Variants in RIC8B observed in about 807,000 individuals in gnomAD.
RIC8B encodes RIC8 guanine nucleotide exchange factor B.
Under a neutral mutation model 57.5 loss-of-function variants are expected in RIC8B, and 16 were observed. The observed-to-expected ratio is 0.28, with a 90% CI of 0.19 to 0.42. The LOEUF is 0.42. RIC8B is among the 10% of genes least tolerant of loss of function. The probability of loss-of-function intolerance (pLI) is 1.00; values close to 1 mark genes in which losing one functional copy is unlikely to be tolerated. For synonymous variants in RIC8B, 216 were observed against 250.8 expected, an observed-to-expected ratio of 0.86 and a Z score of 1.31; for missense variants, 481 against 677.0, an observed-to-expected ratio of 0.71 and a Z score of 3.21.
chr12:106,790,700 T>A (rs2136192860), intron 2 of RIC8B, among the ~76,000 whole-genome samples: 1 of 152,290 alleles, frequency 6.6e-6, no homozygotes, highest in Non-Finnish European at 1.5e-5. Flanking sequence ...CTAATTGCAA[T>A]AAGTTTTGGA....
At chr12:106,775,052 C>T in intron 1 of RIC8B, 1 of 553,574 alleles carries the variant, frequency 1.8e-6, no homozygotes, top group East Asian at 3.0e-5. Context: ...GATTCCTGGC[C>T]CAGCAGCTTG....
rs1345643892 is a variant in RIC8B, at chr12:106,814,992, G to A, written c.429G>A (p.Lys143=). Residue 143 remains lysine, a synonymous_variant, in exon 3 of 10, where the codon AAG becomes AAA. Coordinates refer to ENST00000392837, the MANE Select transcript of RIC8B (RefSeq NM_001330145.2). ...GCCTGGAACTTAATCTTGCTGCAAA[G>A]CTCTGTAACCTCCTGAGAAAGTGCA... The part of the protein sequence containing the change: ...QLSLELNLAA[K]LCNLLRKCKD... 1.2e-6 allele frequency: 2 copies of A among 1,614,212 alleles called. No individual in the cohort carries two copies. Among genetic ancestry groups the A allele is most frequent in the South Asian group, 2.2e-5 (2 of 91,084 alleles).
intron 9 of RIC8B, among the ~76,000 whole-genome samples, chr12:106,875,424 G>T (rs1457040128): frequency 1.3e-5 from 2 of 152,138 alleles, no homozygotes; most frequent in African/African-American, 4.8e-5. Flanking sequence ...CAAGCCCACT[G>T]TGCCTAATAC....
At chr12:106,790,277 C>T (rs901755985) in intron 2 of RIC8B, among the ~76,000 whole-genome samples, 4 of 152,192 alleles carry the variant, frequency 2.6e-5, no homozygotes, top group Non-Finnish European at 5.9e-5. Context: ...AATTATCATC[C>T]AGTACCTTGT....
chr12:106,822,510 A>C (rs2045902354), intron 3 of RIC8B: 1 of 152,244 alleles, frequency 6.6e-6, no homozygotes, highest in South Asian at 2.1e-4. Context: ...TGTCATCAGG[A>C]GTACAGCAGA....
At chr12:106,803,959 T>G (rs1381773977) in intron 2 of RIC8B, among the ~76,000 whole-genome samples, 1 of 152,216 alleles carries the variant, frequency 6.6e-6, no homozygotes, top group African/African-American at 2.4e-5. Flanking sequence ...TTATAGGTAA[T>G]GAAACTAAAG....
At chr12:106,824,313 A>G (rs1178339224) in intron 3 of RIC8B, among the ~76,000 whole-genome samples, 3 of 152,198 alleles carry the variant, frequency 2.0e-5, no homozygotes, top group East Asian at 1.9e-4. Flanking sequence ...CAGAGAAACT[A>G]TACGACTTGT....
chr12:106,840,050 A>G (rs1413954961), intron 4 of RIC8B, among the ~76,000 whole-genome samples: 1 of 152,170 alleles, frequency 6.6e-6, no homozygotes, highest in East Asian at 1.9e-4. Context: ...GGGCAAAAGG[A>G]AAATCTTTTG....
chr12:106,854,584 A>C (rs1183962178), intron 7 of RIC8B, among the ~76,000 whole-genome samples: 4 of 152,144 alleles, frequency 2.6e-5, no homozygotes, highest in Admixed American at 2.6e-4. Context: ...TGAGGTCAGG[A>C]GATCGAGACC....
intron 4 of RIC8B, 84 bp from the exon 5 acceptor site, chr12:106,842,505 C>T (rs1050239086): frequency 1.1e-5 from 12 of 1,096,808 alleles, no homozygotes; most frequent in Non-Finnish European, 1.4e-5. Flanking sequence ...TCTTAAAAGT[C>T]ACTTTTGAAC....
Position 106,796,266 on chromosome 12 carries a change from G to A in RIC8B, c.132+12222G>A, listed in dbSNP as rs183262248. ...TAAAATTTACTACAGGGCCAAGAGC[G>A]GTGGCTCACACCTATAATCCCAGCA... is the stretch of plus-strand genomic sequence containing the variant. On this transcript the variant is annotated intron_variant, in intron 2 of 9. Coordinates refer to ENST00000392837, the MANE Select transcript of RIC8B (RefSeq NM_001330145.2). Among the ~76,000 whole-genome samples, 72 of 152,218 alleles carry A rather than the reference G, an allele frequency of 4.7e-4. 1 individual carries two copies. Among genetic ancestry groups the A allele is most frequent in the African/African-American group, 1.5e-3 (63 of 41,550 alleles).
intron 2 of RIC8B, among the ~76,000 whole-genome samples, chr12:106,787,048 T>C (rs1416189647): frequency 6.6e-6 from 1 of 152,202 alleles, no homozygotes; most frequent in Non-Finnish European, 1.5e-5. Flanking sequence ...TTCACAGTTA[T>C]TAATAAAATG....
chr12:106,873,218 T>C, intron 9 of RIC8B: 1 of 982,320 alleles, frequency 1.0e-6, no homozygotes, highest in Non-Finnish European at 1.2e-6. Context: ...AAATATGTCT[T>C]ATGTTGGCTT....
At chr12:106,824,006 C>G (rs1431375575) in intron 3 of RIC8B, among the ~76,000 whole-genome samples, 2 of 152,166 alleles carry the variant, frequency 1.3e-5, no homozygotes, top group South Asian at 2.1e-4. Flanking sequence ...AATTTTTATT[C>G]AGGCGTTTGA....
At chr12:106,851,398 C>T in intron 6 of RIC8B, 52 bp from the exon 7 acceptor site, 1 of 1,445,118 alleles carries the variant, frequency 6.9e-7, no homozygotes, top group Non-Finnish European at 9.3e-7. Flanking sequence ...GTACCATCCT[C>T]ACTCACTCTA....
chr12:106,796,821 A>G lies in RIC8B; in HGVS notation c.132+12777A>G, dbSNP rs142839191. ...CTGATAAAAGACGTGTATCTAGACT[A>G]TGTAACTCTTACAACTCAAAGGCAA... On this transcript the variant is annotated intron_variant, in intron 2 of 9. Transcript: ENST00000392837. 2.8e-3 allele frequency among the ~76,000 whole-genome samples: 421 copies of G among 152,364 alleles called. 1 individual carries two copies. The highest frequency in any genetic ancestry group is 9.3e-3 in the African/African-American group (386 of 41,584).
chr12:106,885,329 G>A (rs1413075231), intron 9 of RIC8B, among the ~76,000 whole-genome samples: 1 of 151,948 alleles, frequency 6.6e-6, no homozygotes, highest in African/African-American at 2.4e-5. Context: ...GAGGAGGAAA[G>A]AAAGAGTGAA....
chr12:106,825,904 G>A (rs2046076879), intron 4 of RIC8B, 84 bp downstream of exon 4: 2 of 889,898 alleles, frequency 2.2e-6, no homozygotes, highest in Non-Finnish European at 3.7e-6. Context: ...ATTGTTATAA[G>A]CACAAGAAAG....
chr12:106,800,796 C>T (rs2044697422), intron 2 of RIC8B, among the ~76,000 whole-genome samples: 1 of 151,890 alleles, frequency 6.6e-6, no homozygotes, highest in South Asian at 2.1e-4. Context: ...AAGGAAATTC[C>T]AAAGAGATTG....
Sources: allele counts gnomAD v4.1 joint callset (sites outside exome capture counted in the v4.1 genomes callset), GRCh38; gene constraint gnomAD v4.1.1; transcripts MANE v1.5; gene names NCBI Gene and HGNC (gene_info 2026-07-23, HGNC 2026-07-21).